Variants in ATG3 observed in about 807,000 individuals in gnomAD.
The protein encoded by ATG3 is autophagy related 3.
Under a neutral mutation model 50.7 loss-of-function variants are expected in ATG3, and 25 were observed. That is an observed-to-expected ratio of 0.49 (90% CI 0.36 to 0.69). The LOEUF is 0.69. ATG3 is among the 30% of genes least tolerant of loss of function. ATG3 has a pLI of 0.00. For missense variants in ATG3, 281 were observed against 376.0 expected, an observed-to-expected ratio of 0.75 and a Z score of 2.09; for synonymous variants, 119 against 125.5, an observed-to-expected ratio of 0.95 and a Z score of 0.34.
At chr3:112,545,136 G>A (rs1025915610) in intron 5 of ATG3, among the ~76,000 whole-genome samples, 5 of 152,138 alleles carry the variant, frequency 3.3e-5, no homozygotes, top group African/African-American at 9.7e-5. Context: ...TTCCTATGAA[G>A]AAATGAAGTC....
chr3:112,558,577 T>C (rs1314915274), intron 1 of ATG3, among the ~76,000 whole-genome samples, 160 bp from the exon 2 acceptor site: 1 of 152,198 alleles, frequency 6.6e-6, no homozygotes, highest in Non-Finnish European at 1.5e-5. Flanking sequence ...AATCTACCTA[T>C]CTACCTACCT....
At chr3:112,546,942 A>G (rs188080760) in intron 5 of ATG3, among the ~76,000 whole-genome samples, 1 of 152,378 alleles carries the variant, frequency 6.6e-6, no homozygotes, top group Non-Finnish European at 1.5e-5. Flanking sequence ...ATAAGCCAAT[A>G]AATTTCAGAT....
At chr3:112,551,827 A>C (rs1253624876) in intron 3 of ATG3, among the ~76,000 whole-genome samples, 1 of 152,216 alleles carries the variant, frequency 6.6e-6, no homozygotes, top group East Asian at 1.9e-4. Context: ...GAAAGAAAAA[A>C]AAACCACCTT....
Position 112,561,590 on chromosome 3 carries a change from C to T in ATG3, c.-62G>A, listed in dbSNP as rs752971518. 12 of 1,527,144 alleles carry T rather than the reference C, an allele frequency of 7.9e-6. No homozygotes were observed. Among genetic ancestry groups the T allele is most frequent in the Non-Finnish European group, 1.1e-5 (12 of 1,122,930 alleles). 94.6% of individuals were successfully genotyped at this position (1,527,144 alleles called of 1,614,324 possible). A position where few individuals can be genotyped will look rare whatever the true frequency, so the allele number is the denominator to read the frequency against. ...TGGAAAGTGCAGCCGTGTCAGGGGC[C>T]AGGGAGTCAGAAAATGTCCTCGCTG... On this transcript the variant is annotated 5_prime_UTR_variant, in exon 1 of 12. Coordinates refer to ENST00000283290, the MANE Select transcript of ATG3 (RefSeq NM_022488.5).
chr3:112,550,326 A>C, intron 3 of ATG3, 64 bp from the exon 4 acceptor site: 3 of 1,251,840 alleles, frequency 2.4e-6, no homozygotes, highest in Non-Finnish European at 3.4e-6. Context: ...ATACAGCAGA[A>C]AGTATTGCAT....
intron 10 of ATG3, 67 bp downstream of exon 10, chr3:112,536,408 C>A: frequency 6.4e-7 from 1 of 1,568,496 alleles, no homozygotes; most frequent in South Asian, 1.1e-5. Flanking sequence ...TTTAAAGATT[C>A]TCAAGTAATA....
chr3:112,554,812 A>C (rs953794384), intron 2 of ATG3, among the ~76,000 whole-genome samples: 3 of 152,246 alleles, frequency 2.0e-5, no homozygotes, highest in African/African-American at 4.8e-5. Context: ...AAGAATTCTA[A>C]GAATAACCTC....
intron 7 of ATG3, among the ~76,000 whole-genome samples, chr3:112,540,219 AAC>A (rs1309063252): frequency 6.6e-6 from 1 of 152,242 alleles, no homozygotes; most frequent in Non-Finnish European, 1.5e-5. Flanking sequence ...AAAATTTAGG[AAC>A]AGACATAGCT....
At chr3:112,542,205 C>A (rs1156852379) in intron 6 of ATG3, among the ~76,000 whole-genome samples, 1 of 152,044 alleles carries the variant, frequency 6.6e-6, no homozygotes, top group Non-Finnish European at 1.5e-5. Flanking sequence ...ATTAGAAAAT[C>A]AGTTCAAAAT....
chr3:112,540,542 C>T, intron 7 of ATG3, among the ~76,000 whole-genome samples: 1 of 151,684 alleles, frequency 6.6e-6, no homozygotes, highest in Non-Finnish European at 1.5e-5. Context: ...AATTTATACT[C>T]TATCTTTCTT....
Position 112,553,293 on chromosome 3 carries a change from G to T in ATG3, c.151C>A (p.Pro51Thr). 6.2e-7 allele frequency: 1 copy of T among 1,610,422 alleles called. No homozygotes were observed. Among genetic ancestry groups the T allele is most frequent in the Non-Finnish European group, 8.5e-7 (1 of 1,176,826 alleles). ...AATATTACTTACCATTGCCATGTTGGACAGTGGTGGACTAGGTGATCTCCA... is the reference window on the plus strand; with the variant it reads ...AATATTACTTACCATTGCCATGTTGTACAGTGGTGGACTAGGTGATCTCCA... ...AAGDHLVHHC[P>T]TWQWATGEEL... is the part of the protein sequence containing the mutation. The change falls in exon 3 of 12, where the codon CCA becomes ACA. Residue 51 changes from proline to threonine, a missense_variant. Around this residue, in one of 3 missense-constraint regions of ATG3, gnomAD observed 17 missense variants for 48.2 expected, o/e 0.35. Coordinates refer to ENST00000283290, the MANE Select transcript of ATG3 (RefSeq NM_022488.5).
chr3:112,540,911 G>C (rs957993254), intron 7 of ATG3, among the ~76,000 whole-genome samples: 2 of 152,154 alleles, frequency 1.3e-5, no homozygotes, highest in Non-Finnish European at 2.9e-5. Context: ...TATTGAAAAA[G>C]ATTATCATGC....
chr3:112,543,596 T>C (rs1276882031), intron 6 of ATG3, among the ~76,000 whole-genome samples: 1 of 152,166 alleles, frequency 6.6e-6, no homozygotes, highest in Non-Finnish European at 1.5e-5. Flanking sequence ...AATGATTAAA[T>C]TGCTTATGGC....
rs754964884 is a variant in ATG3 at position 112,561,588 on chromosome 3, G to A, written c.-60C>T. The A allele has an allele frequency of 8.2e-5, 126 of 1,533,666 alleles. No homozygotes were observed. Among genetic ancestry groups the A allele is most frequent in the Admixed American group, 2.2e-4 (12 of 55,008 alleles). ...GATGGAAAGTGCAGCCGTGTCAGGGGCCAGGGAGTCAGAAAATGTCCTCGC... is the reference window on the plus strand; with the variant it reads ...GATGGAAAGTGCAGCCGTGTCAGGGACCAGGGAGTCAGAAAATGTCCTCGC... On this transcript the variant is annotated 5_prime_UTR_variant, in exon 1 of 12. Transcript: ENST00000283290.
intron 2 of ATG3, among the ~76,000 whole-genome samples, chr3:112,556,570 T>A (rs1343741137): frequency 1.8e-4 from 28 of 152,198 alleles, no homozygotes; most frequent in African/African-American, 6.8e-4. Flanking sequence ...AATGGCGGTT[T>A]TGTGGAATAG....
intron 5 of ATG3, among the ~76,000 whole-genome samples, chr3:112,546,309 A>G (rs990522722): frequency 1.3e-5 from 2 of 152,192 alleles, no homozygotes; most frequent in African/African-American, 4.8e-5. Flanking sequence ...TACGCTGTAC[A>G]TGACAGTCGA....
chr3:112,536,243 A>G (rs1264471614), intron 10 of ATG3: 3 of 465,914 alleles, frequency 6.4e-6, no homozygotes, highest in East Asian at 8.3e-5. Flanking sequence ...AAACACCCAC[A>G]GAGAACAAAA....
At position 112,561,574 on chromosome 3, in the gene ATG3, C is replaced by T. The variant is rs777345768; in HGVS notation, c.-46G>A. 8.2e-6 allele frequency: 13 copies of T among 1,579,032 alleles called. No individual in the cohort carries two copies. The highest frequency in any genetic ancestry group is 6.9e-5 in the Admixed American group (4 of 58,226). Reference sequence around the variant, plus strand: ...CGGCCCCGCGACGGGATGGAAAGTGCAGCCGTGTCAGGGGCCAGGGAGTCA... The same window carrying T: ...CGGCCCCGCGACGGGATGGAAAGTGTAGCCGTGTCAGGGGCCAGGGAGTCA... On this transcript the variant is annotated 5_prime_UTR_variant, in exon 1 of 12. Transcript: ENST00000283290.
At chr3:112,539,175 T>C (rs1456989931) in intron 7 of ATG3, among the ~76,000 whole-genome samples, 2 of 152,170 alleles carry the variant, frequency 1.3e-5, no homozygotes, top group East Asian at 1.9e-4. Flanking sequence ...CTCCCTTCAG[T>C]CTATTCTCAC....
Sources: allele counts gnomAD v4.1 joint callset (sites outside exome capture counted in the v4.1 genomes callset), GRCh38; gene constraint gnomAD v4.1.1; regional missense constraint gnomAD v4.1.1; transcripts MANE v1.5; gene names NCBI Gene and HGNC (gene_info 2026-07-23, HGNC 2026-07-21).